The following ERICH1 variants were observed in gnomAD, a reference collection of about 807,000 sequenced individuals.
The protein encoded by ERICH1 is glutamate-rich protein 1.
ERICH1 carries 56 observed loss-of-function variants against 39.6 expected under a neutral mutation model. The observed-to-expected ratio is 1.41, with a 90% CI of 1.14 to 1.77. The LOEUF (loss-of-function observed/expected upper bound fraction) is 1.77. Ranked by LOEUF, ERICH1 falls within the 40% of genes most tolerant of loss-of-function variation. The probability of loss-of-function intolerance (pLI) is 0.00; values close to 1 mark genes in which losing one functional copy is unlikely to be tolerated. For synonymous variants in ERICH1, 313 were observed against 223.6 expected, an observed-to-expected ratio of 1.40 and a Z score of -3.57; for missense variants, 826 against 575.4, an observed-to-expected ratio of 1.44 and a Z score of -4.45.
At chr8:617,513 G>A (rs138042636) in intron 3 of ERICH1, among the ~76,000 whole-genome samples, 6 of 152,222 alleles carry the variant, frequency 3.9e-5, no homozygotes, top group East Asian at 1.9e-4. Flanking sequence ...CTGAGGGCTT[G>A]GTGCTTGGTC....
intron 3 of ERICH1, among the ~76,000 whole-genome samples, chr8:687,961 C>A (rs906822668): frequency 6.8e-6 from 1 of 148,094 alleles, no homozygotes; most frequent in African/African-American, 2.7e-5. Flanking sequence ...ATCCCGGCGG[C>A]GAGAAGGCGC....
intron 5 of ERICH1, chr8:667,172 T>G (rs188440182): frequency 1.3e-5 from 2 of 152,766 alleles, no homozygotes; most frequent in Admixed American, 6.5e-5. Flanking sequence ...CGGGGTCCCA[T>G]GTGCCTGGTC....
At chr8:615,030 G>C in exon 4 of ERICH1, 1 of 452,920 alleles carries the variant, frequency 2.2e-6, no homozygotes, top group Non-Finnish European at 3.9e-6. Flanking sequence ...CCACCTTGGA[G>C]CAGACGTGGC....
chr8:709,495 A>G (rs1814210289), intron 2 of ERICH1, among the ~76,000 whole-genome samples: 1 of 152,182 alleles, frequency 6.6e-6, no homozygotes, highest in Non-Finnish European at 1.5e-5. Context: ...CGTGCACCCA[A>G]CCTTCTCATT....
At chr8:627,943 G>A (rs995077719) in intron 3 of ERICH1, among the ~76,000 whole-genome samples, 5 of 151,902 alleles carry the variant, frequency 3.3e-5, no homozygotes, top group East Asian at 1.9e-4. Flanking sequence ...CACAGGGGCC[G>A]GGGGGGCCTG....
At chr8:626,949 C>G (rs563959283) in intron 3 of ERICH1, 5 of 361,896 alleles carry the variant, frequency 1.4e-5, no homozygotes, top group African/African-American at 8.4e-5. Flanking sequence ...CCTCTGGAAC[C>G]CCAACCCGAG....
intron 1 of ERICH1, among the ~76,000 whole-genome samples, chr8:730,582 A>G (rs1256349655): frequency 6.6e-6 from 1 of 152,296 alleles, no homozygotes; most frequent in Non-Finnish European, 1.5e-5. Flanking sequence ...AGGTTAACCA[A>G]TTCTATTTAT....
chr8:660,214 C>T (rs1801213963), downstream of ERICH1, among the ~76,000 whole-genome samples: 1 of 152,244 alleles, frequency 6.6e-6, no homozygotes, highest in Non-Finnish European at 1.5e-5. Flanking sequence ...ATGGCCTCCC[C>T]TCCAGCATGT....
At chr8:693,377 A>T (rs950508030) in intron 2 of ERICH1, among the ~76,000 whole-genome samples, 3 of 152,262 alleles carry the variant, frequency 2.0e-5, no homozygotes, top group Non-Finnish European at 4.4e-5. Flanking sequence ...TGTTAAAATG[A>T]CATATTGTAA....
chr8:723,716 T>C (rs1358270625), intron 1 of ERICH1, among the ~76,000 whole-genome samples: 1 of 152,266 alleles, frequency 6.6e-6, no homozygotes, highest in Non-Finnish European at 1.5e-5. Context: ...TCTGGAAATC[T>C]GATTGTTTCA....
chr8:715,577 A>C (rs1238624447), intron 2 of ERICH1, among the ~76,000 whole-genome samples: 1 of 152,256 alleles, frequency 6.6e-6, no homozygotes, highest in African/African-American at 2.4e-5. Flanking sequence ...GAGGACAGGA[A>C]GGCTGGCCCA....
At chr8:622,637 G>A (rs928952047) in intron 3 of ERICH1, among the ~76,000 whole-genome samples, 2 of 152,190 alleles carry the variant, frequency 1.3e-5, no homozygotes, top group Admixed American at 6.5e-5. Flanking sequence ...AAGCCAGACA[G>A]CTTCACTAGC....
chr8:710,575 G>C (rs4735907), intron 2 of ERICH1, among the ~76,000 whole-genome samples: 37,750 of 152,102 alleles, frequency 0.25, 4,906 homozygotes, highest in East Asian at 0.41. Context: ...TGATCTTTTT[G>C]GGGTCTCCTC....
At chr8:702,773 C>T (rs1013778323) in intron 2 of ERICH1, among the ~76,000 whole-genome samples, 3 of 152,316 alleles carry the variant, frequency 2.0e-5, no homozygotes, top group Admixed American at 1.3e-4. Context: ...TGGACCCTTT[C>T]GGCCAGCACA....
intron 5 of ERICH1, 79 bp from the exon 6 acceptor site, chr8:664,755 A>C: frequency 8.2e-7 from 1 of 1,221,830 alleles, no homozygotes; most frequent in Non-Finnish European, 1.2e-6. Flanking sequence ...TGTAGACACG[A>C]GCCTTTGGGC....
At chr8:692,685 A>G (rs1809193558) in intron 2 of ERICH1, 73 bp from the exon 3 acceptor site, 1 of 1,422,822 alleles carries the variant, frequency 7.0e-7, no homozygotes, top group Non-Finnish European at 9.4e-7. Flanking sequence ...CCTTGATTAC[A>G]TCGGCATTGT....
intron 3 of ERICH1, among the ~76,000 whole-genome samples, chr8:631,282 T>G (rs971127966): frequency 2.6e-5 from 4 of 152,324 alleles, no homozygotes; most frequent in African/African-American, 7.2e-5. Context: ...GTGCCCCTGC[T>G]CCACCTCTGT....
chr8:669,749 G>C (rs183496943), intron 4 of ERICH1, among the ~76,000 whole-genome samples: 5 of 152,386 alleles, frequency 3.3e-5, no homozygotes, highest in Admixed American at 3.3e-4. Flanking sequence ...GACTGTGGCT[G>C]TTTAGAAGAA....
chr8:719,124 C>T (rs1816712861), intron 1 of ERICH1, among the ~76,000 whole-genome samples: 1 of 152,132 alleles, frequency 6.6e-6, no homozygotes, highest in South Asian at 2.1e-4. Flanking sequence ...GAGAGCCCGA[C>T]CCTCGGGGCT....
Sources: gnomAD v4.1 joint callset for allele counts (sites outside exome capture counted in the v4.1 genomes callset) on GRCh38, gnomAD v4.1.1 for gene constraint, MANE v1.5 for transcripts, NCBI Gene and HGNC (gene_info 2026-07-23, HGNC 2026-07-21) for gene names.